GREB1: variants seen among roughly 807,000 people sequenced by gnomAD.
GREB1 encodes the protein protein GREB1.
GREB1 carries 106 observed loss-of-function variants against 200.7 expected under a neutral mutation model. The observed-to-expected ratio is 0.53, with a 90% CI of 0.45 to 0.62. The LOEUF is 0.62. Among genes scored for constraint, GREB1 ranks in the 20% least tolerant of loss-of-function variants. GREB1 has a pLI of 0.00. For synonymous variants in GREB1, 1,132 were observed against 1,092.4 expected (o/e 1.04, Z -0.72); for missense variants, 2,243 against 2,556.8 (o/e 0.88, Z 2.65).
intron 1 of GREB1, among the ~76,000 whole-genome samples, chr2:11,484,411 G>A (rs139570686): frequency 6.6e-6 from 1 of 152,180 alleles, no homozygotes; most frequent in Non-Finnish European, 1.5e-5. Context: ...CAGTTCATGA[G>A]GCGTTCTGCT....
Position 11,599,438 on chromosome 2 carries a change from C to T in GREB1, c.2333+578C>T, listed in dbSNP as rs1045409566. On this transcript the variant is annotated intron_variant, in intron 15 of 32. Transcript: ENST00000381486. ...CACTGCAGGCTCAGCCTCCTGGGTT[C>T]ATGCCATTCTCCCACTTCACCCTCC... Among the ~76,000 whole-genome samples the T allele has an allele frequency of 2.7e-5, 4 of 150,674 alleles. 1 individual carries two copies. The highest frequency in any genetic ancestry group is 6.6e-5 in the Admixed American group (1 of 15,114).
At chr2:11,483,208 C>CGT (rs1572534355) in intron 1 of GREB1, among the ~76,000 whole-genome samples, 4 of 150,660 alleles carry the variant, frequency 2.7e-5, no homozygotes, top group East Asian at 2.0e-4. Flanking sequence ...TAGGTGTGGG[C>CGT]GCGCGTGTGT....
intron 1 of GREB1, chr2:11,542,733 C>CA (rs917326481): frequency 4.6e-5 from 7 of 152,630 alleles, no homozygotes; most frequent in African/African-American, 1.7e-4. Flanking sequence ...GAGAAAGAAT[C>CA]AAAGCGCACA....
chr2:11,606,522 C>T (rs1183881101), intron 17 of GREB1, among the ~76,000 whole-genome samples: 5 of 152,066 alleles, frequency 3.3e-5, no homozygotes, highest in African/African-American at 7.2e-5. Flanking sequence ...TATTTTCAAA[C>T]GACCCAAAGA....
In GREB1 at chr2:11,536,960, C is replaced by A. The variant is rs537407934; in HGVS notation, c.-162+2706C>A. The stretch of plus-strand genomic sequence containing the variant: ...TAGAGGCAAGTACCATAGATATTTT[C>A]TTTTTTTTTATTTTTCTTTGAGATG... On this transcript the variant is annotated intron_variant, in intron 1 of 32. Transcript: ENST00000381486. Among the ~76,000 whole-genome samples, 13 of 151,558 alleles carry A rather than the reference C, an allele frequency of 8.6e-5. 1 individual carries two copies. The highest frequency in any genetic ancestry group is 3.1e-4 in the African/African-American group (13 of 41,290).
intron 7 of GREB1, among the ~76,000 whole-genome samples, chr2:11,583,416 C>T (rs1679723240): frequency 6.6e-6 from 1 of 152,194 alleles, no homozygotes; most frequent in Non-Finnish European, 1.5e-5. Context: ...GCCAAAGGAG[C>T]CCACGGCTTT....
intron 17 of GREB1, among the ~76,000 whole-genome samples, chr2:11,606,553 A>G (rs1171673110): frequency 6.6e-6 from 1 of 152,068 alleles, no homozygotes; most frequent in Non-Finnish European, 1.5e-5. Flanking sequence ...TAGCTCTATA[A>G]TCGCTTCTGA....
chr2:11,602,482 GC>G lies in GREB1; in HGVS notation c.2608del (p.Leu870SerfsTer17). On this transcript the variant is annotated frameshift_variant, in exon 17 of 33. Coordinates refer to ENST00000381486, the MANE Select transcript of GREB1 (RefSeq NM_014668.4). LOFTEE classifies it high-confidence loss of function. Reference sequence around the variant, plus strand: ...ATTGAATCCACCCTTTCAGGACACAGCCTCCCCTTGCTCAGATACGATAGCT... The same window carrying G: ...ATTGAATCCACCCTTTCAGGACACAGCTCCCCTTGCTCAGATACGATAGCT... ...EFIESTLSGH[S>X]LPLLRYDSSF... 1 of 1,613,256 alleles carries G rather than the reference GC, an allele frequency of 6.2e-7. No homozygotes were observed. Among genetic ancestry groups the G allele is most frequent in the Non-Finnish European group, 8.5e-7 (1 of 1,179,158 alleles).
At chr2:11,638,871 GAGGAGGGGACCTTT>G in intron 32 of GREB1, 62 bp downstream of exon 32, 2 of 1,545,762 alleles carry the variant, frequency 1.3e-6, no homozygotes, top group Non-Finnish European at 1.8e-6. Context: ...CGGGTACCCT[GAGGAGGGGACCTTT>G]GGTCCTAGTC....
chr2:11,614,946 A>T (rs1472085717), intron 19 of GREB1, 145 bp from the exon 20 acceptor site: 2 of 651,168 alleles, frequency 3.1e-6, no homozygotes, highest in South Asian at 1.8e-5. Flanking sequence ...TCCCAGTAAC[A>T]CTGTTGGCTT....
chr2:11,562,258 T>C (rs1234986992), intron 2 of GREB1, among the ~76,000 whole-genome samples: 1 of 152,206 alleles, frequency 6.6e-6, no homozygotes, highest in East Asian at 1.9e-4. Flanking sequence ...AAAACCCGAC[T>C]GACAGACTGT....
At chr2:11,567,496 TA>T in intron 4 of GREB1, among the ~76,000 whole-genome samples, 1 of 152,116 alleles carries the variant, frequency 6.6e-6, no homozygotes, top group African/African-American at 2.4e-5. Context: ...GCCGCGTGAG[TA>T]AAGAGGACAG....
In GREB1 at chr2:11,632,046, T is replaced by C. The variant is rs767637480; in HGVS notation, c.4749T>C (p.Ile1583=). The C allele has an allele frequency of 6.2e-7, 1 of 1,614,068 alleles. No homozygotes were observed. The highest frequency in any genetic ancestry group is 8.5e-7 in the Non-Finnish European group (1 of 1,179,966). Residue 1583 remains isoleucine, a synonymous_variant, in exon 27 of 33, where the codon ATT becomes ATC. Transcript: ENST00000381486. ...TTGTCAAGGAATACGAGATGGCAATTTATAAGAAATATTGGCCCAACCACA... is the reference window on the plus strand; with the variant it reads ...TTGTCAAGGAATACGAGATGGCAATCTATAAGAAATATTGGCCCAACCACA... The part of the protein sequence containing the change: ...VLVVKEYEMA[I]YKKYWPNHIM...
chr2:11,545,211 T>C (rs1430573297), intron 1 of GREB1, among the ~76,000 whole-genome samples: 5 of 152,156 alleles, frequency 3.3e-5, no homozygotes, highest in African/African-American at 1.2e-4. Flanking sequence ...TCTCGCTCAC[T>C]GCAACCTTCG....
intron 6 of GREB1, among the ~76,000 whole-genome samples, chr2:11,579,090 T>G (rs920066241): frequency 6.6e-6 from 1 of 152,186 alleles, no homozygotes; most frequent in African/African-American, 2.4e-5. Flanking sequence ...GGTCGCTGGT[T>G]GTTTTCATGC....
chr2:11,600,764 T>G, intron 15 of GREB1, 36 bp from the exon 16 acceptor site: 1 of 1,545,944 alleles, frequency 6.5e-7, no homozygotes. Flanking sequence ...GAAAACAATA[T>G]AGTAATTCCA....
intron 2 of GREB1, among the ~76,000 whole-genome samples, chr2:11,558,297 C>T (rs573272742): frequency 3.2e-4 from 48 of 152,334 alleles, no homozygotes; most frequent in African/African-American, 9.1e-4. Flanking sequence ...TTAGCTTTCC[C>T]TCCTGTTGAA....
intron 17 of GREB1, among the ~76,000 whole-genome samples, chr2:11,603,631 C>T (rs557647118): frequency 2.6e-5 from 4 of 152,316 alleles, no homozygotes; most frequent in South Asian, 2.1e-4. Context: ...AGATACTGTT[C>T]GGTTCTGTGA....
At chr2:11,601,104 G>A in intron 16 of GREB1, 109 bp downstream of exon 16, 1 of 841,916 alleles carries the variant, frequency 1.2e-6, no homozygotes, top group Non-Finnish European at 1.8e-6. Context: ...ATGGGTTCCA[G>A]CTCCTTGGAT....
Sources: gnomAD v4.1 joint callset for allele counts (sites outside exome capture counted in the v4.1 genomes callset) on GRCh38, gnomAD v4.1.1 for gene constraint, MANE v1.5 for transcripts, NCBI Gene and HGNC (gene_info 2026-07-23, HGNC 2026-07-21) for gene names.